EXOC6B: variants seen among roughly 807,000 people sequenced by gnomAD.
The protein encoded by EXOC6B is SEC15 homolog B.
EXOC6B carries 54 observed loss-of-function variants against 113.5 expected under a neutral mutation model. The ratio of observed to expected loss-of-function variants is 0.48; its 90% CI spans 0.38 to 0.60. The LOEUF (loss-of-function observed/expected upper bound fraction) is 0.60. Ranked by LOEUF, EXOC6B falls within the 20% of genes least tolerant of loss-of-function variation. The pLI, the probability that EXOC6B is intolerant of heterozygous loss-of-function variation, is 0.00. For missense variants in EXOC6B, 797 were observed against 977.5 expected, an observed-to-expected ratio of 0.82 and a Z score of 2.46; for synonymous variants, 357 against 339.0, an observed-to-expected ratio of 1.05 and a Z score of -0.58.
At chr2:72,259,994 G>A (rs1559069092) in intron 20 of EXOC6B, among the ~76,000 whole-genome samples, 1 of 151,854 alleles carries the variant, frequency 6.6e-6, no homozygotes, top group Non-Finnish European at 1.5e-5. Flanking sequence ...CAAGGCTGCA[G>A]TGAGCTGTGA....
chr2:72,539,671 T>C (rs1404667368), intron 8 of EXOC6B, among the ~76,000 whole-genome samples: 1 of 152,176 alleles, frequency 6.6e-6, no homozygotes, highest in African/African-American at 2.4e-5. Flanking sequence ...ATAGGTATCT[T>C]ATCAAGAGAG....
chr2:72,641,579 G>A (rs949766448), intron 6 of EXOC6B, among the ~76,000 whole-genome samples: 2 of 152,244 alleles, frequency 1.3e-5, no homozygotes, highest in Non-Finnish European at 2.9e-5. Flanking sequence ...ACTGGGCAGA[G>A]CCCACTGCAG....
chr2:72,396,392 T>C (rs1240272548), intron 18 of EXOC6B, among the ~76,000 whole-genome samples: 1 of 152,106 alleles, frequency 6.6e-6, no homozygotes, highest in African/African-American at 2.4e-5. Context: ...TGAAACCAAA[T>C]GGCTATTAAA....
intron 8 of EXOC6B, among the ~76,000 whole-genome samples, chr2:72,523,516 C>G (rs1329184551): frequency 6.6e-6 from 1 of 152,088 alleles, no homozygotes; most frequent in Non-Finnish European, 1.5e-5. Flanking sequence ...CGGTGGCTCA[C>G]GCCTGTAATC....
At chr2:72,782,139 CAAAAAAA>C (rs374201314) in intron 1 of EXOC6B, among the ~76,000 whole-genome samples, 1 of 65,326 alleles carries the variant, frequency 1.5e-5, no homozygotes. Flanking sequence ...GACTCACTCT[CAAAAAAA>C]AAAAAAAAAG....
chr2:72,310,858 C>T, intron 20 of EXOC6B, among the ~76,000 whole-genome samples: 1 of 123,476 alleles, frequency 8.1e-6, no homozygotes, highest in East Asian at 2.0e-4. Flanking sequence ...TTAACACACA[C>T]ACACACACAC....
At chr2:72,592,641 T>C (rs1350718602) in intron 6 of EXOC6B, among the ~76,000 whole-genome samples, 1 of 152,216 alleles carries the variant, frequency 6.6e-6, no homozygotes. Flanking sequence ...GACAGTGCTG[T>C]GGTGCTGTGA....
chr2:72,793,540 T>G (rs1451067813), intron 1 of EXOC6B, among the ~76,000 whole-genome samples: 3 of 152,042 alleles, frequency 2.0e-5, no homozygotes, highest in Non-Finnish European at 2.9e-5. Flanking sequence ...TATGAACAGG[T>G]ATGGTCTTTA....
At chr2:72,205,638 G>C (rs1679793120) in intron 20 of EXOC6B, among the ~76,000 whole-genome samples, 1 of 152,212 alleles carries the variant, frequency 6.6e-6, no homozygotes, top group African/African-American at 2.4e-5. Flanking sequence ...GGGTGCTAAA[G>C]AGGCTCATTG....
chr2:72,644,813 G>A (rs968761051), intron 6 of EXOC6B, among the ~76,000 whole-genome samples: 15 of 152,094 alleles, frequency 9.9e-5, no homozygotes, highest in Non-Finnish European at 1.6e-4. Flanking sequence ...AGGAACGACC[G>A]GTACCAGTCA....
At chr2:72,339,962 T>C (rs1688929091) in intron 19 of EXOC6B, among the ~76,000 whole-genome samples, 2 of 152,124 alleles carry the variant, frequency 1.3e-5, no homozygotes, top group Admixed American at 6.6e-5. Flanking sequence ...AAATATGCTA[T>C]AATTTTATAT....
intron 7 of EXOC6B, among the ~76,000 whole-genome samples, chr2:72,559,823 G>A (rs1703789164): frequency 6.6e-6 from 1 of 152,148 alleles, no homozygotes; most frequent in East Asian, 1.9e-4. Context: ...TTGACCATGG[G>A]ACTCTAAAGG....
At position 72,410,006 on chromosome 2, in the gene EXOC6B, C is replaced by A. The variant is rs544834543; in HGVS notation, c.1981-30136G>T. On this transcript the variant is annotated intron_variant, in intron 18 of 21. Transcript: ENST00000272427. ...CCCACAGAGGAAGGTGAGGGACAAG[C>A]GCAAGTAAAAATTGCACACAGCTTT... 2.6e-5 allele frequency among the ~76,000 whole-genome samples: 4 copies of A among 152,248 alleles called. No individual in the cohort carries two copies. In the East Asian group the frequency reaches 7.7e-4, roughly 29 times the overall value.
intron 5 of EXOC6B, among the ~76,000 whole-genome samples, chr2:72,725,185 G>C (rs1458466380): frequency 6.6e-6 from 1 of 152,146 alleles, no homozygotes; most frequent in Non-Finnish European, 1.5e-5. Flanking sequence ...AAAGCAGCTA[G>C]AGAAAAGACA....
intron 2 of EXOC6B, 32 bp downstream of exon 2, chr2:72,741,268 AGGAC>A: frequency 6.3e-7 from 1 of 1,587,022 alleles, no homozygotes; most frequent in Non-Finnish European, 8.6e-7. Flanking sequence ...ACCCCAACAC[AGGAC>A]GGAGAAACAG....
chr2:72,698,480 T>C (rs1484968866), intron 6 of EXOC6B, among the ~76,000 whole-genome samples: 1 of 152,200 alleles, frequency 6.6e-6, no homozygotes, highest in Non-Finnish European at 1.5e-5. Flanking sequence ...AACATTTAGA[T>C]GAATACCAAT....
chr2:72,428,253 G>A (rs892067633), intron 18 of EXOC6B, among the ~76,000 whole-genome samples: 3 of 152,208 alleles, frequency 2.0e-5, no homozygotes, highest in African/African-American at 4.8e-5. Flanking sequence ...TGTTCGCCAC[G>A]TTCCAGGCAA....
intron 8 of EXOC6B, among the ~76,000 whole-genome samples, chr2:72,546,756 G>T (rs1413820767): frequency 6.6e-6 from 1 of 152,106 alleles, no homozygotes; most frequent in African/African-American, 2.4e-5. Context: ...GGCTGCTCAG[G>T]GAATAAAGAT....
intron 20 of EXOC6B, among the ~76,000 whole-genome samples, chr2:72,265,300 T>C (rs1291628515): frequency 2.0e-5 from 3 of 151,032 alleles, no homozygotes; most frequent in Non-Finnish European, 2.9e-5. Context: ...ATGTGCACAA[T>C]GTGCAGGTTA....
Sources: gnomAD v4.1 joint callset for allele counts (sites outside exome capture counted in the v4.1 genomes callset) on GRCh38, gnomAD v4.1.1 for gene constraint, MANE v1.5 for transcripts, NCBI Gene and HGNC (gene_info 2026-07-23, HGNC 2026-07-21) for gene names.